NRXN1: variants seen among roughly 807,000 people sequenced by gnomAD.
NRXN1 encodes neurexin 1.
A neutral mutation model predicts 150.9 loss-of-function variants in NRXN1; 39 were observed. That is an observed-to-expected ratio of 0.26 (90% CI 0.20 to 0.34). NRXN1 has a LOEUF of 0.34. Ranked by LOEUF, NRXN1 falls within the 10% of genes least tolerant of loss-of-function variation. The pLI, the probability that NRXN1 is intolerant of heterozygous loss-of-function variation, is 1.00. For synonymous variants in NRXN1, 924 were observed against 757.0 expected, an observed-to-expected ratio of 1.22 and a Z score of -3.62; for missense variants, 1,815 against 1,949.9, an observed-to-expected ratio of 0.93 and a Z score of 1.30.
At chr2:50,876,202 A>C (rs1678566110) in intron 5 of NRXN1, among the ~76,000 whole-genome samples, 1 of 151,808 alleles carries the variant, frequency 6.6e-6, no homozygotes, top group Non-Finnish European at 1.5e-5. Flanking sequence ...TGAATATAAA[A>C]CCCATCCTAG....
rs2086871503 is a variant in NRXN1, at chr2:50,450,624, T to G, written c.3364+14818A>C. 2.0e-5 allele frequency among the ~76,000 whole-genome samples: 3 copies of G among 152,168 alleles called. No homozygotes were observed. The South Asian group carries it at 6.2e-4, about 31-fold the overall frequency. Reference sequence around the variant, plus strand: ...ATTTACCATGTAGATATGTTCCTAATATACAGAGTGGAACTACACACAAGG... The same window carrying G: ...ATTTACCATGTAGATATGTTCCTAAGATACAGAGTGGAACTACACACAAGG... On this transcript the variant is annotated intron_variant, in intron 17 of 22. Coordinates refer to ENST00000401669, the MANE Select transcript of NRXN1 (RefSeq NM_001330078.2).
At chr2:50,393,031 C>T (rs2103835633) in intron 17 of NRXN1, among the ~76,000 whole-genome samples, 1 of 152,044 alleles carries the variant, frequency 6.6e-6, no homozygotes, top group East Asian at 1.9e-4. Flanking sequence ...AAGGGGAGAA[C>T]TATAATGGAT....
At chr2:50,772,912 C>T (rs1051432651) in intron 5 of NRXN1, among the ~76,000 whole-genome samples, 1 of 151,986 alleles carries the variant, frequency 6.6e-6, no homozygotes, top group Admixed American at 6.6e-5. Context: ...CAATGCCCTA[C>T]AAAGAGAAAC....
intron 18 of NRXN1, among the ~76,000 whole-genome samples, chr2:50,133,587 A>C (rs1261982250): frequency 6.6e-6 from 1 of 152,146 alleles, no homozygotes; most frequent in Non-Finnish European, 1.5e-5. Context: ...CTCAAGAAAA[A>C]AATTAGTAAA....
chr2:50,324,594 T>A (rs2076266356), intron 17 of NRXN1, among the ~76,000 whole-genome samples: 1 of 152,244 alleles, frequency 6.6e-6, no homozygotes, highest in Non-Finnish European at 1.5e-5. Flanking sequence ...CAGGTTGAAG[T>A]GCAGTGGCGC....
chr2:50,291,332 T>G (rs2351513), intron 17 of NRXN1, among the ~76,000 whole-genome samples: 33,379 of 151,896 alleles, frequency 0.22, 4,109 homozygotes, highest in East Asian at 0.36. Context: ...TTAAAACGAG[T>G]TAAGAGTTTA....
intron 18 of NRXN1, among the ~76,000 whole-genome samples, chr2:50,236,086 TTA>T (rs2065390543): frequency 1.3e-5 from 2 of 152,062 alleles, no homozygotes; most frequent in African/African-American, 2.4e-5. Flanking sequence ...CTAAAGTTAA[TTA>T]TGGCAACTTT....
intron 8 of NRXN1, among the ~76,000 whole-genome samples, chr2:50,578,440 G>A (rs574451976): frequency 6.0e-4 from 92 of 152,226 alleles, no homozygotes; most frequent in Middle Eastern, 3.4e-3. Flanking sequence ...GATTCATATA[G>A]AATTGTAATA....
chr2:50,920,073 G>T, intron 5 of NRXN1: 1 of 299,804 alleles, frequency 3.3e-6, no homozygotes, highest in South Asian at 2.8e-5. Context: ...AATATGAAAT[G>T]GGTACCAATG....
At chr2:50,448,855 A>G (rs971949893) in intron 17 of NRXN1, among the ~76,000 whole-genome samples, 13 of 152,184 alleles carry the variant, frequency 8.5e-5, no homozygotes, top group Non-Finnish European at 7.3e-5. Context: ...GAGCAATTCT[A>G]ACACTAAAAT....
intron 5 of NRXN1, among the ~76,000 whole-genome samples, chr2:50,865,685 T>TTTTTTTTG (rs1676821731): frequency 7.0e-6 from 1 of 143,614 alleles, no homozygotes; most frequent in Non-Finnish European, 1.5e-5. Flanking sequence ...TTTTTTTTTT[T>TTTTTTTTG]TGGTGGTGGG....
intron 17 of NRXN1, among the ~76,000 whole-genome samples, chr2:50,419,449 C>A (rs544384441): frequency 6.6e-6 from 1 of 152,038 alleles, no homozygotes; most frequent in Non-Finnish European, 1.5e-5. Flanking sequence ...AAAAGTATTT[C>A]TTGCTAATAA....
chr2:50,584,527 T>C (rs898934243), intron 8 of NRXN1, among the ~76,000 whole-genome samples: 1 of 152,174 alleles, frequency 6.6e-6, no homozygotes, highest in African/African-American at 2.4e-5. Context: ...TACACTCCCT[T>C]TCTGAACAAA....
intron 17 of NRXN1, among the ~76,000 whole-genome samples, chr2:50,384,228 C>A (rs575429551): frequency 6.6e-6 from 1 of 152,164 alleles, no homozygotes; most frequent in Middle Eastern, 3.4e-3. Flanking sequence ...CATTCTCAGC[C>A]GGGTGCGGTG....
chr2:50,592,130 T>G (rs1674369888), intron 8 of NRXN1, among the ~76,000 whole-genome samples: 3 of 152,250 alleles, frequency 2.0e-5, no homozygotes, highest in African/African-American at 7.2e-5. Flanking sequence ...TAATCCTCAC[T>G]ATAAACTGTG....
At chr2:50,068,781 C>T (rs2152662188) in intron 19 of NRXN1, among the ~76,000 whole-genome samples, 1 of 151,890 alleles carries the variant, frequency 6.6e-6, no homozygotes, top group Non-Finnish European at 1.5e-5. Context: ...TTTTTTTTAC[C>T]CATCTGATCA....
At chr2:50,909,969 G>A (rs770839306) in intron 5 of NRXN1, among the ~76,000 whole-genome samples, 11 of 150,754 alleles carry the variant, frequency 7.3e-5, no homozygotes, top group Admixed American at 4.0e-4. Flanking sequence ...CAAAAATTAC[G>A]ACAAAATTAT....
rs2072021280 is a variant in NRXN1, at chr2:50,285,475, T to G, written c.3365-48505A>C. 2.0e-5 allele frequency among the ~76,000 whole-genome samples: 3 copies of G among 152,232 alleles called. No homozygotes were observed. In the South Asian group the frequency reaches 6.2e-4, roughly 32 times the overall value. ...AGTTTAGACACAACAATGAACCTAA[T>G]GTGCACTTGTTTGGAATGTGGGAGG... On this transcript the variant is annotated intron_variant, in intron 17 of 22. Transcript: ENST00000401669.
At chr2:50,561,401 A>G (rs1669057991) in intron 8 of NRXN1, among the ~76,000 whole-genome samples, 1 of 152,218 alleles carries the variant, frequency 6.6e-6, no homozygotes, top group Admixed American at 6.5e-5. Context: ...TCAGCTGAAG[A>G]TCTTTTTGAA....
Sources: gnomAD v4.1 joint callset for allele counts (sites outside exome capture counted in the v4.1 genomes callset) on GRCh38, gnomAD v4.1.1 for gene constraint, MANE v1.5 for transcripts, NCBI Gene and HGNC (gene_info 2026-07-23, HGNC 2026-07-21) for gene names.